Variants in NXNL2 observed in about 807,000 individuals in gnomAD.
The protein encoded by NXNL2 is nucleoredoxin like 2, also known as nucleoredoxin-like protein 2.
Under a neutral mutation model 11.1 loss-of-function variants are expected in NXNL2, and 7 were observed. That is an observed-to-expected ratio of 0.63 (90% CI 0.36 to 1.18). The LOEUF (loss-of-function observed/expected upper bound fraction) is 1.18. Ranked by LOEUF, NXNL2 falls within the 50% of genes most tolerant of loss-of-function variation. The probability of loss-of-function intolerance (pLI) is 0.02; values close to 1 mark genes in which losing one functional copy is unlikely to be tolerated. For synonymous variants in NXNL2, 109 were observed against 101.8 expected, an observed-to-expected ratio of 1.07 and a Z score of -0.42; for missense variants, 233 against 217.7, an observed-to-expected ratio of 1.07 and a Z score of -0.44.
chr9:88,570,049 G>A (rs895118259), intron 1 of NXNL2, among the ~76,000 whole-genome samples: 2 of 151,088 alleles, frequency 1.3e-5, no homozygotes, highest in Non-Finnish European at 3.0e-5. Context: ...CAGTGTACTC[G>A]GTGGTTTTTC....
intron 1 of NXNL2, among the ~76,000 whole-genome samples, chr9:88,559,963 T>C (rs1419297666): frequency 1.3e-5 from 2 of 151,998 alleles, no homozygotes; most frequent in East Asian, 3.9e-4. Flanking sequence ...TTCTAAAACC[T>C]TTTCGGGTTA....
chr9:88,536,022 G>A (rs1829610498), intron 1 of NXNL2, among the ~76,000 whole-genome samples: 1 of 152,180 alleles, frequency 6.6e-6, no homozygotes, highest in Non-Finnish European at 1.5e-5. Flanking sequence ...CTGGAGCTCC[G>A]GGAATCTGCA....
chr9:88,564,258 CTATCTATCTGTCTATCTATCTATCTAT>C (rs1163320058), intron 1 of NXNL2, among the ~76,000 whole-genome samples: 69 of 135,516 alleles, frequency 5.1e-4, no homozygotes, highest in Admixed American at 1.6e-3. Flanking sequence ...ATCTATCTAT[CTATCTATCTGTCTATCTATCTATCTAT>C]TATCTATCTA....
At chr9:88,540,317 GC>G (rs1829725050) in intron 1 of NXNL2, among the ~76,000 whole-genome samples, 1 of 150,294 alleles carries the variant, frequency 6.7e-6, no homozygotes, top group South Asian at 2.1e-4. Flanking sequence ...GGGCGAAAGA[GC>G]GAGACTCCAT....
At chr9:88,538,282 T>G (rs1176663108) in intron 1 of NXNL2, 1 of 152,218 alleles carries the variant, frequency 6.6e-6, no homozygotes, top group Non-Finnish European at 1.5e-5. Context: ...TCCTGATTCC[T>G]CAAAGCCCAG....
At chr9:88,568,930 T>C (rs1830218731) in intron 1 of NXNL2, among the ~76,000 whole-genome samples, 1 of 150,554 alleles carries the variant, frequency 6.6e-6, no homozygotes, top group Non-Finnish European at 1.5e-5. Flanking sequence ...CATCTCTTGA[T>C]GAATTTTTTT....
At chr9:88,570,003 C>T (rs1185934258) in intron 1 of NXNL2, among the ~76,000 whole-genome samples, 1 of 152,072 alleles carries the variant, frequency 6.6e-6, no homozygotes, top group African/African-American at 2.4e-5. Context: ...ACCTCCATGC[C>T]CATTCAGGGC....
chr9:88,536,122 G>A (rs1018214423), intron 1 of NXNL2, among the ~76,000 whole-genome samples: 1 of 152,170 alleles, frequency 6.6e-6, no homozygotes, highest in Non-Finnish European at 1.5e-5. Flanking sequence ...GACTCCCGGC[G>A]CCGCTGCGTC....
At chr9:88,544,149 C>T (rs890760867) in intron 1 of NXNL2, among the ~76,000 whole-genome samples, 9 of 151,930 alleles carry the variant, frequency 5.9e-5, no homozygotes, top group East Asian at 1.9e-4. Context: ...CTAGCCTGGG[C>T]GACAAGAACA....
At chr9:88,540,621 T>C (rs888954350) in intron 1 of NXNL2, among the ~76,000 whole-genome samples, 2 of 152,226 alleles carry the variant, frequency 1.3e-5, no homozygotes, top group African/African-American at 2.4e-5. Context: ...TGTGTCTTTT[T>C]TTCACTGTGC....
At chr9:88,554,073 T>C (rs1260220352) in intron 1 of NXNL2, among the ~76,000 whole-genome samples, 1 of 152,180 alleles carries the variant, frequency 6.6e-6, no homozygotes, top group Non-Finnish European at 1.5e-5. Flanking sequence ...AACTCATCGT[T>C]ATAATGGTAT....
downstream of NXNL2, among the ~76,000 whole-genome samples, chr9:88,547,584 C>A (rs1239565878): frequency 1.3e-5 from 2 of 152,174 alleles, no homozygotes; most frequent in African/African-American, 4.8e-5. Flanking sequence ...ACCTTAAAAC[C>A]CCATCCTTTC....
chr9:88,535,836 C>CG lies in NXNL2; in HGVS notation c.302+100_302+101insG, dbSNP rs1051241193. On this transcript the variant is annotated intron_variant, in intron 1 of 1. Transcript: ENST00000375854. ...ACTGGGGAGCTCTTTATGACGCCCC[C>CG]CCCCAACACCTCCCCGTCTCTCGGT... 4 of 874,882 alleles carry CG rather than the reference C, an allele frequency of 4.6e-6. No homozygotes were observed. The African/African-American group carries it at 5.2e-5, about 11-fold the overall frequency. 54.2% of individuals were successfully genotyped at this position (874,882 alleles called of 1,614,324 possible).
intron 2 of NXNL2, among the ~76,000 whole-genome samples, chr9:88,572,857 G>A (rs571665903): frequency 3.0e-4 from 46 of 152,288 alleles, no homozygotes; most frequent in South Asian, 4.1e-4. Context: ...ACGTGTGGCC[G>A]GGATGTGCTC....
chr9:88,551,139 G>A (rs1261968943), intron 1 of NXNL2, among the ~76,000 whole-genome samples: 1 of 152,108 alleles, frequency 6.6e-6, no homozygotes, highest in Non-Finnish European at 1.5e-5. Flanking sequence ...CTTTCATGAT[G>A]CCTTAGCAAG....
intron 1 of NXNL2, among the ~76,000 whole-genome samples, chr9:88,554,507 G>A: frequency 6.6e-6 from 1 of 152,128 alleles, no homozygotes; most frequent in Non-Finnish European, 1.5e-5. Context: ...ACCCAGACAG[G>A]CCCTTTAAAG....
chr9:88,560,063 A>G lies in NXNL2; in HGVS notation c.303-11024A>G, dbSNP rs572694816. 3.9e-4 allele frequency among the ~76,000 whole-genome samples: 59 copies of G among 152,282 alleles called. 1 individual carries two copies. Among genetic ancestry groups the G allele is most frequent in the African/African-American group, 1.4e-3 (57 of 41,558 alleles). ...AGGAGGTCTGTAGTTTTCCCTGGGA[A>G]TAATTGCAGAGTATTCCTGTCTTTT... is the stretch of plus-strand genomic sequence containing the variant. On this transcript the variant is annotated intron_variant, in intron 1 of 2. Transcript: ENST00000375855.
chr9:88,547,455 C>T (rs2118441743), downstream of NXNL2, among the ~76,000 whole-genome samples: 1 of 152,310 alleles, frequency 6.6e-6, no homozygotes, highest in East Asian at 1.9e-4. Flanking sequence ...AACACACACA[C>T]AGACACAGAC....
At chr9:88,542,464 A>C (rs1212908430) in intron 1 of NXNL2, among the ~76,000 whole-genome samples, 2 of 151,226 alleles carry the variant, frequency 1.3e-5, no homozygotes, top group Non-Finnish European at 2.9e-5. Flanking sequence ...AATTTTTTGT[A>C]TTTTTAGCAG....
Sources: gnomAD v4.1 joint callset for allele counts (sites outside exome capture counted in the v4.1 genomes callset) on GRCh38, gnomAD v4.1.1 for gene constraint, MANE v1.5 for transcripts, NCBI Gene and HGNC (gene_info 2026-07-23, HGNC 2026-07-21) for gene names.